RPS16: variants seen among roughly 807,000 people sequenced by gnomAD.
The protein encoded by RPS16 is ribosomal protein S16.
RPS16 carries 2 observed loss-of-function variants against 20.1 expected under a neutral mutation model. The ratio of observed to expected loss-of-function variants is 0.10; its 90% CI spans 0.04 to 0.31. The LOEUF (loss-of-function observed/expected upper bound fraction) is 0.31, where lower values mean the gene tolerates loss of function less well. RPS16 is among the 10% of genes least tolerant of loss of function. RPS16 has a pLI of 1.00. For synonymous variants in RPS16, 95 were observed against 76.1 expected, an observed-to-expected ratio of 1.25 and a Z score of -1.29; for missense variants, 129 against 198.6, an observed-to-expected ratio of 0.65 and a Z score of 2.11.
In RPS16 at chr19:39,433,768, G is replaced by C. The variant is rs2078844203; in HGVS notation, c.151-7C>G. ...GCAGAACTGGCTCCAGCAGCTAAAG[G>C]AATGGGGAATGAACAGGGATTTAAG... On this transcript the variant is annotated splice_polypyrimidine_tract_variant and splice_region_variant and intron_variant, in intron 2 of 4. Transcript: ENST00000251453. 1 of 1,613,056 alleles carries C rather than the reference G, an allele frequency of 6.2e-7. No individual in the cohort carries two copies. The highest frequency in any genetic ancestry group is 1.1e-5 in the South Asian group (1 of 91,014).
intron 2 of RPS16, chr19:39,434,884 A>C (rs1224938743): frequency 6.6e-6 from 1 of 152,230 alleles, no homozygotes; most frequent in Non-Finnish European, 1.5e-5. Context: ...CTTTCTTTTA[A>C]AAGTAGTAGA....
At chr19:39,433,791 A>C in intron 2 of RPS16, 30 bp from the exon 3 acceptor site, 3 of 1,609,196 alleles carry the variant, frequency 1.9e-6, no homozygotes, top group Non-Finnish European at 2.5e-6. Flanking sequence ...ACAGGGATTT[A>C]AGTTACATGC....
chr19:39,435,660 T>C lies in RPS16; in HGVS notation c.97A>G (p.Lys33Glu). Reference protein sequence around the residue: ...AHCKRGNGLIKVNGRPLEMIE... With the variant: ...AHCKRGNGLIEVNGRPLEMIE... The stretch of plus-strand genomic sequence containing the variant: ...ATCTCCAGGGGCCGCCCGTTCACCT[T>C]GATGAGACCATTGCCGCGTTTGCAG... The change falls in exon 2 of 5, where the codon AAG (lysine) becomes GAG (glutamate). Residue 33 changes from lysine (K) to glutamate (E), a missense_variant. Transcript: ENST00000251453. 1 of 1,614,110 alleles carries C rather than the reference T, an allele frequency of 6.2e-7. No homozygotes were observed.
chr19:39,433,149 T>A lies in RPS16; in HGVS notation c.*124A>T. The stretch of plus-strand genomic sequence containing the variant: ...ATCCAGACTGGCAATAGGTCCAGGA[T>A]GTTTACTGATTTCTGTCTGGTTAAA... On this transcript the variant is annotated 3_prime_UTR_variant, in exon 5 of 5. Coordinates refer to ENST00000251453, the MANE Select transcript of RPS16 (RefSeq NM_001020.6). The A allele has an allele frequency of 3.7e-6, 4 of 1,090,164 alleles. No individual in the cohort carries two copies. In the South Asian group the frequency reaches 5.9e-5, roughly 16 times the overall value. 67.5% of individuals were successfully genotyped at this position (1,090,164 alleles called of 1,614,324 possible). A position where few individuals can be genotyped will look rare whatever the true frequency, so the allele number is the denominator to read the frequency against.
At position 39,434,084 on chromosome 19, in the gene RPS16, G is replaced by A. The variant is rs76331703; in HGVS notation, c.151-323C>T. 2,258 of 352,970 alleles carry A rather than the reference G, an allele frequency of 6.4e-3. 68 individuals are homozygous for A. Among genetic ancestry groups the A allele is most frequent in the African/African-American group, 0.044 (2,100 of 47,758 alleles). The allele number at this position is 352,970 out of a possible 1,614,324, so 21.9% of individuals were successfully genotyped here. On this transcript the variant is annotated intron_variant, in intron 2 of 4. Coordinates refer to ENST00000251453, the MANE Select transcript of RPS16 (RefSeq NM_001020.6). ...TTCTTAGAAGGCTGAACAGTAAGGA[G>A]CATTCCAATAGCTTCTGAAACTCCC...
In RPS16 at chr19:39,435,906, G is replaced by T; in HGVS notation, c.-11C>A. ...GCCCTTGGACGGCATGGCTCCGAGCGTGGACTAGACAACCTCACCGCGCGG... is the reference window on the plus strand; with the variant it reads ...GCCCTTGGACGGCATGGCTCCGAGCTTGGACTAGACAACCTCACCGCGCGG... On this transcript the variant is annotated 5_prime_UTR_variant, in exon 1 of 5. Transcript: ENST00000251453. 6.2e-7 allele frequency: 1 copy of T among 1,604,218 alleles called. No individual in the cohort carries two copies. Among genetic ancestry groups the T allele is most frequent in the Admixed American group, 1.7e-5 (1 of 60,016 alleles).
intron 2 of RPS16, 47 bp downstream of exon 2, chr19:39,435,560 C>G (rs368624850): frequency 6.6e-7 from 1 of 1,510,166 alleles, no homozygotes; most frequent in Non-Finnish European, 9.2e-7. Context: ...ACATCTCTGT[C>G]TCCAAGAGTC....
At position 39,435,890 on chromosome 19, in the gene RPS16, C is replaced by T. The variant is rs11555711; in HGVS notation, c.6G>A (p.Pro2=). Residue 2 remains proline (P), a synonymous_variant, in exon 1 of 5, where the codon CCG becomes CCA. Transcript: ENST00000251453. M[P]SKGPLQSVQV... ...GCACAGACTGCAGCGGGCCCTTGGACGGCATGGCTCCGAGCGTGGACTAGA... is the reference window on the plus strand; with the variant it reads ...GCACAGACTGCAGCGGGCCCTTGGATGGCATGGCTCCGAGCGTGGACTAGA... The T allele has an allele frequency of 1.2e-6, 2 of 1,605,858 alleles. No homozygotes were observed. Among genetic ancestry groups the T allele is most frequent in the African/African-American group, 2.7e-5 (2 of 74,938 alleles).
intron 2 of RPS16, chr19:39,433,990 G>C (rs999699742): frequency 1.9e-6 from 1 of 520,362 alleles, no homozygotes; most frequent in Non-Finnish European, 3.5e-6. Context: ...AAGGTAAAGG[G>C]AACAAGATCT....
Position 39,435,843 on chromosome 19 carries a change from C to T in RPS16, c.48+5G>A. 5 of 1,610,828 alleles carry T rather than the reference C, an allele frequency of 3.1e-6. No individual in the cohort carries two copies. The highest frequency in any genetic ancestry group is 4.2e-6 in the Non-Finnish European group (5 of 1,179,936). ...CCTCCCCTTCCCATCCGGCGTCTGG[C>T]TCACCTTGCGTCCGAAGACCTGCAC... On this transcript the variant is annotated splice_donor_5th_base_variant and intron_variant, in intron 1 of 4. Transcript: ENST00000251453.
chr19:39,435,947 A>C lies in RPS16; in HGVS notation c.-52T>G, dbSNP rs1341906819. 2.5e-6 allele frequency: 4 copies of C among 1,600,604 alleles called. No individual in the cohort carries two copies. The highest frequency in any genetic ancestry group is 3.4e-6 in the Non-Finnish European group (4 of 1,179,648). On this transcript the variant is annotated 5_prime_UTR_variant, in exon 1 of 5. Coordinates refer to ENST00000251453, the MANE Select transcript of RPS16 (RefSeq NM_001020.6). ...CACCGCGCGGCGCCGCAACCGGAAA[A>C]GGAAAGCTAGGGGCCACCCTGGCCG... is the stretch of plus-strand genomic sequence containing the variant.
chr19:39,435,803 T>C, intron 1 of RPS16, 45 bp downstream of exon 1: 2 of 1,609,036 alleles, frequency 1.2e-6, no homozygotes, highest in Non-Finnish European at 1.7e-6. Flanking sequence ...TCCCAGACCC[T>C]GGCCTTCTCC....
chr19:39,433,929 G>A (rs964020508), intron 2 of RPS16, 168 bp from the exon 3 acceptor site: 36 of 625,452 alleles, frequency 5.8e-5, no homozygotes, highest in Non-Finnish European at 9.7e-5. Context: ...GAAGAGGAAA[G>A]TCAAAAAAGC....
intron 2 of RPS16, 57 bp from the exon 3 acceptor site, chr19:39,433,818 C>T (rs1600677816): frequency 1.3e-6 from 2 of 1,536,738 alleles, no homozygotes; most frequent in East Asian, 4.7e-5. Context: ...GCTTAGCCAT[C>T]TCACTGGGCT....
chr19:39,433,478 C>T, intron 4 of RPS16, 44 bp downstream of exon 4: 1 of 1,612,928 alleles, frequency 6.2e-7, no homozygotes, highest in African/African-American at 1.3e-5. Context: ...GACTTGATCC[C>T]CACACACCCA....
intron 2 of RPS16, chr19:39,434,839 A>C (rs1469641874): frequency 1.3e-5 from 2 of 152,234 alleles, no homozygotes; most frequent in African/African-American, 4.8e-5. Context: ...TAACTCAAAA[A>C]AAATTTTTTT....
At chr19:39,434,262 G>A (rs2078847316) in intron 2 of RPS16, 1 of 162,584 alleles carries the variant, frequency 6.2e-6, no homozygotes, top group Non-Finnish European at 1.4e-5. Flanking sequence ...CCAGCTCCAG[G>A]TCTTTTACCA....
rs751274654 is a variant in RPS16 at position 39,435,892 on chromosome 19, G to A, written c.4C>T (p.Pro2Ser). The change falls in exon 1 of 5, where the codon CCG (proline) becomes TCG (serine). Residue 2 changes from proline to serine, a missense_variant. Physicochemically the swap from Pro to Ser is moderately conservative, Grantham distance 74. Transcript: ENST00000251453. ...ACAGACTGCAGCGGGCCCTTGGACG[G>A]CATGGCTCCGAGCGTGGACTAGACA... MPSKGPLQSVQV... is the reference protein window; with the variant it reads MSSKGPLQSVQV... 31 of 1,605,584 alleles carry A rather than the reference G, an allele frequency of 1.9e-5. No individual in the cohort carries two copies. The highest frequency in any genetic ancestry group is 2.6e-5 in the Non-Finnish European group (31 of 1,179,972).
chr19:39,433,463 T>G (rs769956739), intron 4 of RPS16, 45 bp from the exon 5 acceptor site: 4 of 1,612,058 alleles, frequency 2.5e-6, no homozygotes, highest in Non-Finnish European at 2.5e-6. Flanking sequence ...TCACACAGAG[T>G]CCTTGACTTG....
Sources: gnomAD v4.1 joint callset for allele counts on GRCh38, gnomAD v4.1.1 for gene constraint, MANE v1.5 for transcripts, NCBI Gene and HGNC (gene_info 2026-07-23, HGNC 2026-07-21) for gene names.